The following DCST1 variants were observed in gnomAD, a reference collection of about 807,000 sequenced individuals.
The protein encoded by DCST1 is E3 ubiquitin-protein ligase DCST1.
In DCST1, 78 loss-of-function variants were observed where a neutral mutation model predicts 89.1. The observed-to-expected ratio is 0.88, with a 90% CI of 0.73 to 1.06. DCST1 has a LOEUF of 1.06. DCST1 is among the 50% of genes least tolerant of loss of function. The pLI, the probability that DCST1 is intolerant of heterozygous loss-of-function variation, is 0.00. For missense variants in DCST1, 900 were observed against 928.6 expected (o/e 0.97, Z 0.40); for synonymous variants, 364 against 371.9 (o/e 0.98, Z 0.24).
intron 8 of DCST1, among the ~76,000 whole-genome samples, chr1:155,042,221 C>T (rs1660459184): frequency 1.3e-5 from 2 of 152,274 alleles, no homozygotes; most frequent in Non-Finnish European, 2.9e-5. Flanking sequence ...GCCTCAGCCT[C>T]CTGAGTAGCT....
intron 6 of DCST1, 63 bp downstream of exon 6, chr1:155,040,687 C>A: frequency 1.3e-6 from 2 of 1,491,204 alleles, no homozygotes; most frequent in South Asian, 1.3e-5. Flanking sequence ...TTAACTTGAG[C>A]TGGGAGTTGT....
intron 10 of DCST1, chr1:155,045,594 A>G: frequency 2.3e-6 from 1 of 437,274 alleles, no homozygotes. Flanking sequence ...AGATGCACAC[A>G]TGCAACTCCC....
In DCST1 at chr1:155,039,454, T is replaced by C; in HGVS notation, c.314T>C (p.Leu105Pro). ...GTSPHIRCAS[L>P]LLVPKMLGKE... ...TCCCCTCACATCCGCTGTGCCAGCC[T>C]CCTACTAGTACCCAAGATGCTGGGC... Residue 105 changes from leucine to proline, a missense_variant, in exon 5 of 17, where the codon CTC (leucine) becomes CCC (proline). Leu to Pro is a moderately conservative substitution (Grantham distance 98). Coordinates refer to ENST00000295542, the MANE Select transcript of DCST1 (RefSeq NM_152494.4). 6.2e-7 allele frequency: 1 copy of C among 1,601,320 alleles called. No individual in the cohort carries two copies.
At chr1:155,034,965 A>G in intron 4 of DCST1, 2 of 560,574 alleles carry the variant, frequency 3.6e-6, no homozygotes, top group South Asian at 2.0e-5. Flanking sequence ...CATCACCCAC[A>G]TGATATAGTC....
chr1:155,042,700 C>T (rs757197454), intron 8 of DCST1, 35 bp from the exon 9 acceptor site: 21 of 1,613,246 alleles, frequency 1.3e-5, no homozygotes, highest in Non-Finnish European at 1.6e-5. Flanking sequence ...AGGACAGGCC[C>T]GGGGAGGCCC....
intron 13 of DCST1, 107 bp from the exon 14 acceptor site, chr1:155,047,089 G>A (rs767024588): frequency 9.9e-6 from 9 of 906,128 alleles, no homozygotes; most frequent in Non-Finnish European, 1.7e-5. Flanking sequence ...GACTCAGGCA[G>A]CTGAGAAGCA....
At chr1:155,050,245 A>C (rs894070292) in intron 16 of DCST1, among the ~76,000 whole-genome samples, 2 of 152,228 alleles carry the variant, frequency 1.3e-5, no homozygotes, top group African/African-American at 4.8e-5. Flanking sequence ...ATTGTTTACT[A>C]TCTGTGTGAC....
chr1:155,034,924 T>C (rs1279562789), intron 4 of DCST1, 197 bp downstream of exon 4: 1 of 612,570 alleles, frequency 1.6e-6, no homozygotes, highest in East Asian at 2.8e-5. Flanking sequence ...GTCCTTGCCC[T>C]GAGGGAGTCT....
Position 155,039,406 on chromosome 1 carries a change from T to C in DCST1, c.266T>C (p.Leu89Ser). Residue 89 changes from leucine (L) to serine (S), a missense_variant, in exon 5 of 17, where the codon TTG becomes TCG. Coordinates refer to ENST00000295542, the MANE Select transcript of DCST1 (RefSeq NM_152494.4). ...ACCTCCTGGGCTCTCCTGACAGGCT[T>C]GGGGGCCATGGGCTGGGGGACCTCC... ...KIMFLYSLVG[L>S]GAMGWGTSPH... 6.3e-7 allele frequency: 1 copy of C among 1,582,690 alleles called. No homozygotes were observed. Among genetic ancestry groups the C allele is most frequent in the Non-Finnish European group, 8.6e-7 (1 of 1,163,828 alleles).
Position 155,050,600 on chromosome 1 carries a change from C to T in DCST1, c.1870-17C>T. 2.6e-6 allele frequency: 4 copies of T among 1,561,150 alleles called. No homozygotes were observed. Among genetic ancestry groups the T allele is most frequent in the Non-Finnish European group, 2.6e-6 (3 of 1,156,524 alleles). ...CGCCTCGCTCCCGGGCTGGCGCTAA[C>T]GCCCACCTCCCAACAGCGCCACCCG... On this transcript the variant is annotated splice_polypyrimidine_tract_variant and intron_variant, in intron 16 of 16. Coordinates refer to ENST00000295542, the MANE Select transcript of DCST1 (RefSeq NM_152494.4).
At chr1:155,039,701 TAA>T (rs1373697276) in intron 5 of DCST1, among the ~76,000 whole-genome samples, 170 bp downstream of exon 5, 1 of 152,092 alleles carries the variant, frequency 6.6e-6, no homozygotes, top group Non-Finnish European at 1.5e-5. Flanking sequence ...CCTCAGTTTA[TAA>T]GAGTGAAAAC....
rs11445380 is a variant in DCST1 at position 155,036,047 on chromosome 1, CAAAAAAA to C, written c.262+1338_262+1344del. ...TAGGTGACAGAGTGAAACTCTGTCT[CAAAAAAA>C]AAAAAAAAAAAAAAAAAGGAAGAAA... On this transcript the variant is annotated intron_variant, in intron 4 of 16. Coordinates refer to ENST00000295542, the MANE Select transcript of DCST1 (RefSeq NM_152494.4). Among the ~76,000 whole-genome samples, 8 of 71,236 alleles carry C rather than the reference CAAAAAAA, an allele frequency of 1.1e-4. No individual in the cohort carries two copies. The South Asian group carries it at 2.2e-3, about 19-fold the overall frequency. The allele number at this position is 71,236 out of a possible 152,430, so 46.7% of individuals were successfully genotyped here.
chr1:155,046,264 C>A (rs762390052), intron 12 of DCST1, 44 bp downstream of exon 12: 1 of 1,614,008 alleles, frequency 6.2e-7, no homozygotes, highest in Non-Finnish European at 8.5e-7. Context: ...CAAAGACAGG[C>A]CTGAAGGTGA....
Position 155,046,234 on chromosome 1 carries a change from G to C in DCST1, c.1368+14G>C. The C allele has an allele frequency of 6.2e-7, 1 of 1,614,216 alleles. No homozygotes were observed. Among genetic ancestry groups the C allele is most frequent in the Non-Finnish European group, 8.5e-7 (1 of 1,180,036 alleles). On this transcript the variant is annotated intron_variant, in intron 12 of 16. Transcript: ENST00000295542. The stretch of plus-strand genomic sequence containing the variant: ...ATGAGCAATGTGGTGAGGACAGCAT[G>C]GGGAGCGGACTCCTGGGTGCAAAGA...
chr1:155,046,857 C>T (rs1303865723), intron 13 of DCST1, among the ~76,000 whole-genome samples: 5 of 152,056 alleles, frequency 3.3e-5, no homozygotes, highest in African/African-American at 1.2e-4. Context: ...CCACCTGCCT[C>T]GGCCACCCAA....
In DCST1 at chr1:155,050,481, G is replaced by A. The variant is rs554144261; in HGVS notation, c.1870-136G>A. On this transcript the variant is annotated intron_variant, in intron 16 of 16. Transcript: ENST00000295542. The stretch of plus-strand genomic sequence containing the variant: ...AGGGAGGCACCCTCGCCCTCCAGGG[G>A]TTTCCTTTGTCCAACCCAGCCTCCT... 7.0e-5 allele frequency: 88 copies of A among 1,249,174 alleles called. No homozygotes were observed. In the East Asian group the frequency reaches 1.7e-3, roughly 24 times the overall value. 77.4% of individuals were successfully genotyped at this position (1,249,174 alleles called of 1,614,324 possible).
At chr1:155,042,607 G>A (rs1286045986) in intron 8 of DCST1, 128 bp from the exon 9 acceptor site, 1 of 1,276,728 alleles carries the variant, frequency 7.8e-7, no homozygotes, top group Non-Finnish European at 1.1e-6. Context: ...CAGCATTGGT[G>A]TGGTAGCAAG....
chr1:155,045,830 T>C (rs571839092), intron 10 of DCST1, 63 bp from the exon 11 acceptor site: 6 of 1,423,726 alleles, frequency 4.2e-6, no homozygotes, highest in South Asian at 1.2e-5. Flanking sequence ...AGGAAGCCCA[T>C]GTTTGGGGAT....
Position 155,045,885 on chromosome 1 carries a change from A to G in DCST1, c.1173-8A>G. 1 of 1,611,518 alleles carries G rather than the reference A, an allele frequency of 6.2e-7. No individual in the cohort carries two copies. Among genetic ancestry groups the G allele is most frequent in the Non-Finnish European group, 8.5e-7 (1 of 1,177,622 alleles). ...GAGATGGAGACATCCCTGCCCATCC[A>G]CCCACAGGTCTTTCTCCTACATGGA... On this transcript the variant is annotated splice_polypyrimidine_tract_variant and splice_region_variant and intron_variant, in intron 10 of 16. Transcript: ENST00000295542.
Sources: gnomAD v4.1 joint callset for allele counts (sites outside exome capture counted in the v4.1 genomes callset) on GRCh38, gnomAD v4.1.1 for gene constraint, MANE v1.5 for transcripts, NCBI Gene and HGNC (gene_info 2026-07-23, HGNC 2026-07-21) for gene names.